The following CHD7 variants were observed in gnomAD, a reference collection of about 807,000 sequenced individuals.
CHD7 encodes the protein ATP-dependent chromatin remodeler CHD7.
A neutral mutation model predicts 307.3 loss-of-function variants in CHD7; 24 were observed. That is an observed-to-expected ratio of 0.08 (90% confidence interval 0.06 to 0.11). CHD7 has a LOEUF of 0.11. CHD7 is among the 10% of genes least tolerant of loss of function. The pLI is 1.00. For synonymous variants in CHD7, 1,363 were observed against 1,349.9 expected, an observed-to-expected ratio of 1.01 and a Z score of -0.21; for missense variants, 3,106 against 3,727.1, an observed-to-expected ratio of 0.83 and a Z score of 4.34.
intron 2 of CHD7, among the ~76,000 whole-genome samples, chr8:60,757,235 T>C (rs911359024): frequency 3.3e-5 from 5 of 152,160 alleles, no homozygotes; most frequent in Admixed American, 6.5e-5. Context: ...CCCTTGTGGT[T>C]AGGAAGCACT....
chr8:60,835,654 A>G (rs1804708503), intron 15 of CHD7, among the ~76,000 whole-genome samples: 1 of 152,008 alleles, frequency 6.6e-6, no homozygotes, highest in Non-Finnish European at 1.5e-5. Flanking sequence ...TTGTTTTTTC[A>G]TTTCGGAACA....
intron 24 of CHD7, 61 bp downstream of exon 24, chr8:60,848,665 A>G: frequency 1.5e-6 from 2 of 1,309,264 alleles, no homozygotes; most frequent in Non-Finnish European, 2.2e-6. Flanking sequence ...GCCGGAAAAC[A>G]TCATGGATTG....
intron 9 of CHD7, among the ~76,000 whole-genome samples, chr8:60,821,472 T>A (rs1804028917): frequency 6.6e-6 from 1 of 152,030 alleles, no homozygotes; most frequent in Non-Finnish European, 1.5e-5. Flanking sequence ...GCTGGGATAA[T>A]GTCTATTGAT....
At chr8:60,857,636 C>CT (rs1157520726) in intron 34 of CHD7, among the ~76,000 whole-genome samples, 1 of 152,116 alleles carries the variant, frequency 6.6e-6, no homozygotes, top group African/African-American at 2.4e-5. Context: ...AACTCCTTGT[C>CT]TGTGTTGTGA....
At chr8:60,816,952 G>A (rs756873692) in intron 8 of CHD7, among the ~76,000 whole-genome samples, 15 of 152,164 alleles carry the variant, frequency 9.9e-5, no homozygotes, top group Non-Finnish European at 2.1e-4. Flanking sequence ...ACTCATTTTC[G>A]CAAATGCTGT....
At chr8:60,685,040 A>G (rs1041958458) in intron 1 of CHD7, among the ~76,000 whole-genome samples, 2 of 152,208 alleles carry the variant, frequency 1.3e-5, no homozygotes, top group African/African-American at 2.4e-5. Flanking sequence ...GGTTTCTAGC[A>G]TGTTCCCTGC....
chr8:60,785,568 G>A (rs1022459038), intron 3 of CHD7, among the ~76,000 whole-genome samples: 2 of 152,000 alleles, frequency 1.3e-5, no homozygotes, highest in African/African-American at 4.8e-5. Flanking sequence ...TCTCAGTTAC[G>A]AGCTTACAGA....
chr8:60,815,445 C>G (rs1803683151), intron 7 of CHD7, among the ~76,000 whole-genome samples: 1 of 152,058 alleles, frequency 6.6e-6, no homozygotes. Context: ...GCTCTCAAGG[C>G]TGTTTGAGGG....
At chr8:60,810,354 A>G (rs1299096070) in intron 7 of CHD7, among the ~76,000 whole-genome samples, 3 of 150,042 alleles carry the variant, frequency 2.0e-5, no homozygotes, top group African/African-American at 4.9e-5. Flanking sequence ...AGTCCCTCTC[A>G]GTGGATAGGA....
Position 60,854,361 on chromosome 8 carries a change from A to C in CHD7, c.6776-2A>C. ...AGTAATGCACATTAACTCATTTCTC[A>C]GCAGGAGCTGTCTCTAGAGGGAAGA... On this transcript the variant is annotated splice_acceptor_variant, in intron 31 of 37. Coordinates refer to ENST00000423902, the MANE Select transcript of CHD7 (RefSeq NM_017780.4). LOFTEE classifies it high-confidence loss of function. 2 of 1,613,146 alleles carry C rather than the reference A, an allele frequency of 1.2e-6. No homozygotes were observed. Among genetic ancestry groups the C allele is most frequent in the South Asian group, 1.1e-5 (1 of 90,944 alleles).
chr8:60,746,413 T>C (rs1247557072), intron 2 of CHD7, among the ~76,000 whole-genome samples: 1 of 152,256 alleles, frequency 6.6e-6, no homozygotes, highest in African/African-American at 2.4e-5. Context: ...TCTCTCTCTC[T>C]GAATGATTGA....
intron 1 of CHD7, among the ~76,000 whole-genome samples, chr8:60,685,436 G>A (rs1011031506): frequency 6.6e-6 from 1 of 152,152 alleles, no homozygotes; most frequent in Non-Finnish European, 1.5e-5. Flanking sequence ...GGCACATTTT[G>A]TTCTTCTGTA....
chr8:60,731,280 G>A (rs1041700528), intron 1 of CHD7, among the ~76,000 whole-genome samples: 2 of 152,118 alleles, frequency 1.3e-5, no homozygotes, highest in African/African-American at 4.8e-5. Context: ...TATTATTTAT[G>A]GTAAGAATGA....
chr8:60,828,922 C>G (rs978969007), intron 14 of CHD7, 116 bp downstream of exon 14: 1 of 893,590 alleles, frequency 1.1e-6, no homozygotes, highest in African/African-American at 1.7e-5. Context: ...CCACCTAGTA[C>G]ACAGAACCTT....
Position 60,742,436 on chromosome 8 carries a change from C to G in CHD7, c.1004C>G (p.Thr335Arg). ...NTGMNQNLGLTNNTPMNQSVP... is the reference protein window; with the variant it reads ...NTGMNQNLGLRNNTPMNQSVP... ...GGGATGAATCAAAATTTAGGCCTTA[C>G]AAATAATACTCCAATGAATCAGTCC... Residue 335 changes from threonine (T) to arginine (R), a missense_variant, in exon 2 of 38, where the codon ACA becomes AGA. Physicochemically the swap from Thr to Arg is moderately conservative, Grantham distance 71. Transcript: ENST00000423902. 1 of 1,614,010 alleles carries G rather than the reference C, an allele frequency of 6.2e-7. No homozygotes were observed. The highest frequency in any genetic ancestry group is 1.3e-5 in the African/African-American group (1 of 75,056).
At chr8:60,816,307 T>G (rs1313806748) in intron 7 of CHD7, 80 bp from the exon 8 acceptor site, 1 of 769,884 alleles carries the variant, frequency 1.3e-6, no homozygotes, top group African/African-American at 1.8e-5. Context: ...ATTATCTGTG[T>G]AGTTGACTTT....
In CHD7 at chr8:60,867,374, C is replaced by T. The variant is rs1452951461; in HGVS notation, c.*1441C>T. On this transcript the variant is annotated 3_prime_UTR_variant, in exon 38 of 38. Coordinates refer to ENST00000423902, the MANE Select transcript of CHD7 (RefSeq NM_017780.4). ...CAGACCAGCGCTCGATGCCAGAAAC[C>T]AGTGTGTGGAAAAACCCATGTGGAA... 1 of 152,238 alleles carries T rather than the reference C, an allele frequency of 6.6e-6. No individual in the cohort carries two copies. Among genetic ancestry groups the T allele is most frequent in the Non-Finnish European group, 1.5e-5 (1 of 68,056 alleles). 9.4% of individuals were successfully genotyped at this position (152,238 alleles called of 1,614,324 possible). A position where few individuals can be genotyped will look rare whatever the true frequency, so the allele number is the denominator to read the frequency against.
At chr8:60,827,631 G>C (rs1161975135) in intron 13 of CHD7, among the ~76,000 whole-genome samples, 1 of 152,072 alleles carries the variant, frequency 6.6e-6, no homozygotes, top group African/African-American at 2.4e-5. Flanking sequence ...CTTCCTCAGA[G>C]ACTTTATTCA....
At chr8:60,749,707 C>T (rs1809532797) in intron 2 of CHD7, among the ~76,000 whole-genome samples, 1 of 152,088 alleles carries the variant, frequency 6.6e-6, no homozygotes, top group Non-Finnish European at 1.5e-5. Context: ...AGCAGGTTGC[C>T]CCATCTGGTG....
Sources: allele counts gnomAD v4.1 joint callset (sites outside exome capture counted in the v4.1 genomes callset), GRCh38; gene constraint gnomAD v4.1.1; transcripts MANE v1.5; gene names NCBI Gene and HGNC (gene_info 2026-07-23, HGNC 2026-07-21).